The following ITPR3 variants were observed in gnomAD, a reference collection of about 807,000 sequenced individuals.
ITPR3 encodes inositol 1,4,5-trisphosphate-gated calcium channel ITPR3.
Under a neutral mutation model 293.2 loss-of-function variants are expected in ITPR3, and 173 were observed. That is an observed-to-expected ratio of 0.59 (90% CI 0.52 to 0.67). The LOEUF is 0.67. Ranked by LOEUF, ITPR3 falls within the 30% of genes least tolerant of loss-of-function variation. The pLI is 0.00. For synonymous variants in ITPR3, 1,295 were observed against 1,444.4 expected, an observed-to-expected ratio of 0.90 and a Z score of 2.35; for missense variants, 2,796 against 3,592.1, an observed-to-expected ratio of 0.78 and a Z score of 5.66.
Position 33,692,182 on chromosome 6 carries a change from A to T in ITPR3, c.7458+254A>T, listed in dbSNP as rs2127322492. On this transcript the variant is annotated intron_variant, in intron 54 of 57. Transcript: ENST00000605930. The surrounding 1 kb of genome is among the most constrained non-coding windows in gnomAD (Gnocchi z 4.2). Reference sequence around the variant, plus strand: ...CTTTGCCCCAGGGCTAGGGATGGTGACCACTGGCTTTCCTAGCCCACAGCA... The same window carrying T: ...CTTTGCCCCAGGGCTAGGGATGGTGTCCACTGGCTTTCCTAGCCCACAGCA... Among the ~76,000 whole-genome samples the T allele has an allele frequency of 6.6e-6, 1 of 152,342 alleles. No individual in the cohort carries two copies. Among genetic ancestry groups the T allele is most frequent in the Non-Finnish European group, 1.5e-5 (1 of 68,026 alleles).
In ITPR3 at chr6:33,693,335, G is replaced by A. The variant is rs116657129; in HGVS notation, c.7625-210G>A. Among the ~76,000 whole-genome samples the A allele has an allele frequency of 4.7e-3, 715 of 152,290 alleles. 6 individuals are homozygous for A. The highest frequency in any genetic ancestry group is 7.5e-3 in the Non-Finnish European group (507 of 68,018). ...TCCTGGAGTCCTCGGTTGCTGCTGC[G>A]GGAGGGCTGCAGCTGCGGCAGGGCA... On this transcript the variant is annotated intron_variant, in intron 55 of 57. Coordinates refer to ENST00000605930, the MANE Select transcript of ITPR3 (RefSeq NM_002224.4).
At position 33,690,217 on chromosome 6, in the gene ITPR3, G is replaced by A. The variant is rs1357778931; in HGVS notation, c.7032+19G>A. The A allele has an allele frequency of 2.5e-6, 4 of 1,610,166 alleles. No individual in the cohort carries two copies. Among genetic ancestry groups the A allele is most frequent in the African/African-American group, 2.7e-5 (2 of 74,816 alleles). Reference sequence around the variant, plus strand: ...CATCCTGGTGAGGCCTTCTGGGTGGGCTGGGGCTGGATGGGGGCATGGGGT... The same window carrying A: ...CATCCTGGTGAGGCCTTCTGGGTGGACTGGGGCTGGATGGGGGCATGGGGT... On this transcript the variant is annotated intron_variant, in intron 51 of 57. Transcript: ENST00000605930.
chr6:33,648,658 C>T (rs1035567820), intron 2 of ITPR3, among the ~76,000 whole-genome samples: 2 of 151,506 alleles, frequency 1.3e-5, no homozygotes, highest in African/African-American at 4.9e-5. Flanking sequence ...GTGGCACAAT[C>T]ATGGCTCACT....
Position 33,683,670 on chromosome 6 carries a change from C to A in ITPR3, c.4788+273C>A, listed in dbSNP as rs1765143242. The stretch of plus-strand genomic sequence containing the variant: ...GAGGGGGTCGGGACCACCCCTCACT[C>A]CTGCAGCGCCCTCCTGTCTATGCAG... On this transcript the variant is annotated intron_variant, in intron 35 of 57. Coordinates refer to ENST00000605930, the MANE Select transcript of ITPR3 (RefSeq NM_002224.4). The surrounding 1 kb of genome is among the most constrained non-coding windows in gnomAD (Gnocchi z 4.5). 6.6e-6 allele frequency among the ~76,000 whole-genome samples: 1 copy of A among 152,154 alleles called. No individual in the cohort carries two copies. The highest frequency in any genetic ancestry group is 1.5e-5 in the Non-Finnish European group (1 of 68,024).
chr6:33,637,539 G>T (rs1763852078), intron 1 of ITPR3, among the ~76,000 whole-genome samples: 1 of 152,160 alleles, frequency 6.6e-6, no homozygotes, highest in African/African-American at 2.4e-5. Flanking sequence ...CTCGATCTCA[G>T]CACACTGCAA....
At position 33,665,994 on chromosome 6, in the gene ITPR3, AG is replaced by A; in HGVS notation, c.1551+22del. ...TCAAACAGGTGCGTGTGCACCCATG[AG>A]GGGACGCAGAGGGGCCGGGTGCCCG... On this transcript the variant is annotated intron_variant, in intron 14 of 57. Coordinates refer to ENST00000605930, the MANE Select transcript of ITPR3 (RefSeq NM_002224.4). 1 of 1,579,594 alleles carries A rather than the reference AG, an allele frequency of 6.3e-7. No homozygotes were observed. The highest frequency in any genetic ancestry group is 8.6e-7 in the Non-Finnish European group (1 of 1,161,068).
intron 8 of ITPR3, 113 bp downstream of exon 8, chr6:33,662,787 C>G: frequency 6.7e-7 from 1 of 1,498,652 alleles, no homozygotes; most frequent in Non-Finnish European, 9.0e-7. Context: ...CTGAGTCCCT[C>G]CAGAGTCAAA....
At position 33,684,699 on chromosome 6, in the gene ITPR3, C is replaced by T; in HGVS notation, c.5137+11C>T. On this transcript the variant is annotated intron_variant, in intron 38 of 57. Coordinates refer to ENST00000605930, the MANE Select transcript of ITPR3 (RefSeq NM_002224.4). This position sits in a 1 kb window ranked among gnomAD's most constrained non-coding sequence, Gnocchi z 4.2. ...ACCCCATAGGCACTGGTCAGTATCA[C>T]CTTCCCCTGCCCCCGGGCCCTCCCT... 1.2e-6 allele frequency: 2 copies of T among 1,613,410 alleles called. No homozygotes were observed. The highest frequency in any genetic ancestry group is 8.5e-7 in the Non-Finnish European group (1 of 1,179,668).
chr6:33,656,515 A>G (rs994453996), intron 3 of ITPR3, among the ~76,000 whole-genome samples: 3 of 144,328 alleles, frequency 2.1e-5, no homozygotes, highest in African/African-American at 4.9e-5. Context: ...TGGTCTGTCC[A>G]TGGTCTGACC....
chr6:33,683,246 C>A lies in ITPR3; in HGVS notation c.4637C>A (p.Ala1546Asp). 2 of 1,558,742 alleles carry A rather than the reference C, an allele frequency of 1.3e-6. No homozygotes were observed. Among genetic ancestry groups the A allele is most frequent in the Admixed American group, 1.9e-5 (1 of 52,710 alleles). Residue 1546 changes from alanine to aspartate, a missense_variant, in exon 35 of 58, where the codon GCC becomes GAC. Coordinates refer to ENST00000605930, the MANE Select transcript of ITPR3 (RefSeq NM_002224.4). The surrounding 1 kb of genome is among the most constrained non-coding windows in gnomAD (Gnocchi z 4.5). ...RAILLPMDLD[A>D]HISSMLSSGA... Reference sequence around the variant, plus strand: ...ATCTTGCTGCCCATGGACCTGGATGCCCACATCAGCTCGATGCTCAGCAGT... The same window carrying A: ...ATCTTGCTGCCCATGGACCTGGATGACCACATCAGCTCGATGCTCAGCAGT...
intron 2 of ITPR3, among the ~76,000 whole-genome samples, chr6:33,651,534 T>G (rs1764192240): frequency 1.3e-5 from 2 of 152,144 alleles, no homozygotes; most frequent in South Asian, 4.1e-4. Flanking sequence ...GGTCTTCTGT[T>G]GACCCCTCAC....
At chr6:33,663,717 T>C (rs1414179168) in intron 10 of ITPR3, 21 bp from the exon 11 acceptor site, 1 of 1,612,762 alleles carries the variant, frequency 6.2e-7, no homozygotes, top group South Asian at 1.1e-5. Flanking sequence ...GCCTTCTACC[T>C]GATTTGGGGT....
intron 1 of ITPR3, among the ~76,000 whole-genome samples, chr6:33,637,828 T>C (rs1302861938): frequency 1.3e-5 from 2 of 150,102 alleles, no homozygotes; most frequent in Admixed American, 1.3e-4. Context: ...TTTTTTTTTT[T>C]AGTAGAGATG....
chr6:33,679,735 C>A lies in ITPR3; in HGVS notation c.3973-147C>A. ...GGGCCTGAGACATCAGCTGGGGAAC[C>A]CCCAAATCCCAGCCAGGGGAGGGTT... On this transcript the variant is annotated intron_variant, in intron 30 of 57. Transcript: ENST00000605930. This position sits in a 1 kb window ranked among gnomAD's most constrained non-coding sequence, Gnocchi z 4.2. 9.5e-7 allele frequency: 1 copy of A among 1,047,382 alleles called. No individual in the cohort carries two copies. The allele number at this position is 1,047,382 out of a possible 1,614,324, so 64.9% of individuals were successfully genotyped here.
chr6:33,690,214 T>TGGGCTG lies in ITPR3; in HGVS notation c.7032+24_7032+29dup, dbSNP rs1424289792. On this transcript the variant is annotated intron_variant, in intron 51 of 57. Transcript: ENST00000605930. ...CAGCATCCTGGTGAGGCCTTCTGGG[T>TGGGCTG]GGGCTGGGGCTGGATGGGGGCATGG... 6.4e-7 allele frequency: 1 copy of TGGGCTG among 1,574,506 alleles called. No individual in the cohort carries two copies. Among genetic ancestry groups the TGGGCTG allele is most frequent in the African/African-American group, 1.4e-5 (1 of 73,828 alleles).
intron 16 of ITPR3, among the ~76,000 whole-genome samples, chr6:33,668,297 T>C (rs1764667931): frequency 6.6e-6 from 1 of 152,178 alleles, no homozygotes; most frequent in Non-Finnish European, 1.5e-5. Flanking sequence ...ACCCTGTCCG[T>C]CTGAACCCCC....
At chr6:33,636,290 A>G (rs1360825314) in intron 1 of ITPR3, among the ~76,000 whole-genome samples, 1 of 151,986 alleles carries the variant, frequency 6.6e-6, no homozygotes, top group African/African-American at 2.4e-5. Flanking sequence ...TGACAGAGTA[A>G]GACTCTGTCT....
chr6:33,638,561 A>G lies in ITPR3; in HGVS notation c.90-1923A>G, dbSNP rs1215560118. Among the ~76,000 whole-genome samples the G allele has an allele frequency of 6.6e-6, 1 of 152,264 alleles. No homozygotes were observed. The highest frequency in any genetic ancestry group is 1.5e-5 in the Non-Finnish European group (1 of 68,050). On this transcript the variant is annotated intron_variant, in intron 1 of 57. Transcript: ENST00000605930. The surrounding 1 kb of genome is among the most constrained non-coding windows in gnomAD (Gnocchi z 4.3). ...ATCTTTATTGCTTCCGATCTATTTC[A>G]GGAACTGCATACAAAAATCTAAACA...
rs1764285212 is a variant in ITPR3, at chr6:33,655,539, A to T, written c.161-227A>T. 6.6e-6 allele frequency among the ~76,000 whole-genome samples: 1 copy of T among 152,180 alleles called. No homozygotes were observed. Among genetic ancestry groups the T allele is most frequent in the South Asian group, 2.1e-4 (1 of 4,836 alleles). On this transcript the variant is annotated intron_variant, in intron 2 of 57. Transcript: ENST00000605930. The surrounding 1 kb of genome is among the most constrained non-coding windows in gnomAD (Gnocchi z 4.9). Reference sequence around the variant, plus strand: ...GGGCACGTGTCCACCCCACCAAGTGAGATGCACTGCTCTCAAACCTGCCTC... The same window carrying T: ...GGGCACGTGTCCACCCCACCAAGTGTGATGCACTGCTCTCAAACCTGCCTC...
Sources: allele counts gnomAD v4.1 joint callset (sites outside exome capture counted in the v4.1 genomes callset), GRCh38; gene constraint gnomAD v4.1.1; non-coding constraint Gnocchi (gnomAD v3.1); transcripts MANE v1.5; gene names NCBI Gene and HGNC (gene_info 2026-07-23, HGNC 2026-07-21).